Variants in PRAC2 observed in about 807,000 individuals in gnomAD.
PRAC2 encodes PRAC2 small nuclear protein.
For missense variants in PRAC2, 92 were observed against 114.5 expected (o/e 0.80, Z 0.90); for synonymous variants, 43 against 49.5 (o/e 0.87, Z 0.55).
At chr17:48,722,548 C>A, upstream of PRAC2, 1 of 653,182 alleles carries the variant, frequency 1.5e-6, no homozygotes, top group Non-Finnish European at 2.7e-6. Context: ...TGCCCCTCTC[C>A]CTGTAGAGTC....
At chr17:48,723,918 T>C in intron 1 of PRAC2, 1 of 599,372 alleles carries the variant, frequency 1.7e-6, no homozygotes, top group East Asian at 3.5e-5. Flanking sequence ...TGCTGAGAGA[T>C]TCGCTGCGGG....
chr17:48,720,936 C>A (rs555373717), upstream of PRAC2, among the ~76,000 whole-genome samples: 4 of 152,160 alleles, frequency 2.6e-5, no homozygotes, highest in African/African-American at 7.2e-5. Context: ...AGAGGTTAAG[C>A]GCTCCTGTTT....
At chr17:48,718,875 C>A (rs79963523), upstream of PRAC2, among the ~76,000 whole-genome samples, 1,077 of 152,330 alleles carry the variant, frequency 7.1e-3, 9 homozygotes, top group African/African-American at 0.024. Context: ...CTAACTCCCG[C>A]AGGCCTCTTC....
upstream of PRAC2, among the ~76,000 whole-genome samples, chr17:48,722,718 C>T (rs1049080592): frequency 2.6e-5 from 4 of 152,070 alleles, no homozygotes; most frequent in African/African-American, 9.7e-5. Context: ...CCTTCCTCCC[C>T]TGATTGGCTT....
At chr17:48,719,205 GCACACAAA>G (rs1217495161), upstream of PRAC2, among the ~76,000 whole-genome samples, 1,011 of 117,672 alleles carry the variant, frequency 8.6e-3, 15 homozygotes, top group African/African-American at 0.035. Context: ...GCACGCGCTC[GCACACAAA>G]CACACACACA....
chr17:48,721,607 G>A, upstream of PRAC2: 1 of 443,212 alleles, frequency 2.3e-6, no homozygotes, highest in Non-Finnish European at 3.8e-6. Context: ...TTACAGCCAT[G>A]AGCCACTATG....
chr17:48,722,503 G>A, upstream of PRAC2: 2 of 879,154 alleles, frequency 2.3e-6, no homozygotes, highest in Non-Finnish European at 3.8e-6. Context: ...GCACGCCTTA[G>A]GCTAGGAGAG....
chr17:48,722,539 G>T (rs1281078095), upstream of PRAC2: 6 of 690,992 alleles, frequency 8.7e-6, no homozygotes, highest in East Asian at 1.6e-4. Context: ...AGCACTGGGT[G>T]CCCCTCTCCC....
chr17:48,720,728 AT>A (rs2038136740), upstream of PRAC2, among the ~76,000 whole-genome samples: 3 of 152,132 alleles, frequency 2.0e-5, no homozygotes, highest in Admixed American at 1.3e-4. Context: ...CACGTGTTTA[AT>A]CCCCTGTTTG....
upstream of PRAC2, chr17:48,722,413 T>C (rs117391237): frequency 1.9e-6 from 3 of 1,612,120 alleles, no homozygotes; most frequent in Non-Finnish European, 2.5e-6. Context: ...TCTGCAAAGG[T>C]GGGGACCAGA....
chr17:48,719,556 G>C (rs533633616), upstream of PRAC2, among the ~76,000 whole-genome samples: 22 of 152,334 alleles, frequency 1.4e-4, no homozygotes, highest in Non-Finnish European at 1.3e-4. Flanking sequence ...CGACGGCCTC[G>C]TTACGACCGA....
At chr17:48,720,635 C>A (rs2038136168), upstream of PRAC2, among the ~76,000 whole-genome samples, 1 of 152,206 alleles carries the variant, frequency 6.6e-6, no homozygotes, top group African/African-American at 2.4e-5. Flanking sequence ...GAGCATATTT[C>A]CAACTCTTTC....
At chr17:48,721,915 A>G, upstream of PRAC2, 2 of 1,498,504 alleles carry the variant, frequency 1.3e-6, no homozygotes, top group Non-Finnish European at 1.8e-6. Context: ...ATATTTTACA[A>G]TATTTACAAA....
At chr17:48,720,199 G>A (rs1234548247), upstream of PRAC2, among the ~76,000 whole-genome samples, 2 of 152,204 alleles carry the variant, frequency 1.3e-5, no homozygotes, top group African/African-American at 4.8e-5. Flanking sequence ...CCTGGATGAG[G>A]GTAAGGCGAT....
At chr17:48,720,758 C>T (rs1260378359), upstream of PRAC2, among the ~76,000 whole-genome samples, 4 of 152,160 alleles carry the variant, frequency 2.6e-5, no homozygotes, top group East Asian at 5.8e-4. Context: ...CAGATCTGTC[C>T]AGTGCCTGAG....
upstream of PRAC2, among the ~76,000 whole-genome samples, chr17:48,720,240 T>C (rs533697379): frequency 6.6e-6 from 1 of 152,326 alleles, no homozygotes; most frequent in East Asian, 1.9e-4. Context: ...GGACGTCTGA[T>C]TACTGCCCAG....
At chr17:48,721,735 A>C, upstream of PRAC2, 3 of 1,357,922 alleles carry the variant, frequency 2.2e-6, no homozygotes, top group Non-Finnish European at 2.9e-6. Context: ...TTTTTAAAAA[A>C]ATTTTATTGT....
In PRAC2 at chr17:48,724,369, G is replaced by T; in HGVS notation, c.-42G>T. 8.1e-7 allele frequency: 1 copy of T among 1,234,294 alleles called. No homozygotes were observed. The highest frequency in any genetic ancestry group is 1.0e-6 in the Non-Finnish European group (1 of 988,114). The allele number at this position is 1,234,294 out of a possible 1,614,324, so 76.5% of individuals were successfully genotyped here. ...TCCGAAAAAAAGTGTGTGTGGGGGG[G>T]TCCACACCACTAATTATTATGGCGA... On this transcript the variant is annotated 5_prime_UTR_variant, in exon 2 of 2. Transcript: ENST00000422730.
At chr17:48,719,503 C>T (rs913736667), upstream of PRAC2, among the ~76,000 whole-genome samples, 3 of 152,134 alleles carry the variant, frequency 2.0e-5, no homozygotes, top group African/African-American at 7.2e-5. Context: ...GACAGCCCCC[C>T]GGATAACCCC....
Sources: gnomAD v4.1 joint callset for allele counts (sites outside exome capture counted in the v4.1 genomes callset) on GRCh38, gnomAD v4.1.1 for gene constraint, MANE v1.5 for transcripts, NCBI Gene and HGNC (gene_info 2026-07-23, HGNC 2026-07-21) for gene names.